Variants in TGM1 observed in about 807,000 individuals in gnomAD.
The protein encoded by TGM1 is protein-glutamine gamma-glutamyltransferase K.
A neutral mutation model predicts 88.7 loss-of-function variants in TGM1; 63 were observed. The observed-to-expected ratio is 0.71, with a 90% CI of 0.58 to 0.88. TGM1 has a LOEUF of 0.88. Among genes scored for constraint, TGM1 ranks in the 40% least tolerant of loss-of-function variants. The pLI, the probability that TGM1 is intolerant of heterozygous loss-of-function variation, is 0.00. For missense variants in TGM1, 996 were observed against 1,118.0 expected (o/e 0.89, Z 1.56); for synonymous variants, 415 against 431.1 (o/e 0.96, Z 0.46).
rs1349507109 is a variant in TGM1 at position 24,256,072 on chromosome 14, A to G, written c.1408T>C (p.Phe470Leu). The G allele has an allele frequency of 6.4e-7, 1 of 1,563,186 alleles. No homozygotes were observed. The highest frequency in any genetic ancestry group is 1.4e-5 in the African/African-American group (1 of 73,652). ...TCCACAGAGCAGGGGCCGCAGCAGA[A>G]GATGCCTAGAGAGTGAGGCGGGACA... ...ATPQETSSGI[F>L]CCGPCSVESI... Residue 470 changes from phenylalanine to leucine, a missense_variant, in exon 10 of 15, where the codon TTC (phenylalanine) becomes CTC (leucine). Coordinates refer to ENST00000206765, the MANE Select transcript of TGM1 (RefSeq NM_000359.3).
Position 24,254,700 on chromosome 14 carries a change from G to A in TGM1, c.2052C>T (p.His684=). 6.2e-7 allele frequency: 1 copy of A among 1,613,992 alleles called. No homozygotes were observed. Among genetic ancestry groups the A allele is most frequent in the Non-Finnish European group, 8.5e-7 (1 of 1,180,032 alleles). The change falls in exon 13 of 15, where the codon CAC becomes CAT. Residue 684 remains histidine (H), a synonymous_variant. Coordinates refer to ENST00000206765, the MANE Select transcript of TGM1 (RefSeq NM_000359.3). Reference sequence around the variant, plus strand: ...GGTCTGGGGTGCGCAGACGGAAGGTGTGCTGCTTGGCCAGCACCTGCCCGC... The same window carrying A: ...GGTCTGGGGTGCGCAGACGGAAGGTATGCTGCTTGGCCAGCACCTGCCCGC... ...KESGQVLAKQ[H]TFRLRTPDLS... is the part of the protein sequence containing the mutation.
Position 24,261,678 on chromosome 14 carries a change from A to G in TGM1, c.508+17T>C. ...AAACATAGGGCCTTCACCCGTCCCA[A>G]TCCAAGCCCCACTGACCGATGAGTA... On this transcript the variant is annotated intron_variant, in intron 3 of 14. Coordinates refer to ENST00000206765, the MANE Select transcript of TGM1 (RefSeq NM_000359.3). 3 of 1,613,900 alleles carry G rather than the reference A, an allele frequency of 1.9e-6. No homozygotes were observed. Among genetic ancestry groups the G allele is most frequent in the Admixed American group, 3.3e-5 (2 of 60,004 alleles).
chr14:24,255,133 A>G lies in TGM1; in HGVS notation c.1766T>C (p.Val589Ala), dbSNP rs765099729. The G allele has an allele frequency of 4.9e-5, 79 of 1,613,846 alleles. No individual in the cohort carries two copies. The highest frequency in any genetic ancestry group is 6.1e-5 in the Non-Finnish European group (72 of 1,180,022). Residue 589 changes from valine (V) to alanine (A), a missense_variant, in exon 12 of 15, where the codon GTG becomes GCG. Physicochemically the swap from Val to Ala is moderately conservative, Grantham distance 64 (BLOSUM62 0). Transcript: ENST00000206765. The surrounding 1 kb of genome is among the most constrained non-coding windows in gnomAD (Gnocchi z 4.0). ...VAMQVEAQDAVMGQDLMVSVM... is the reference protein window; with the variant it reads ...VAMQVEAQDAAMGQDLMVSVM... ...AGAGACCATCAGATCCTGCCCCATC[A>G]CCGCGTCCTGTGCCTCCACCTGCAT...
In TGM1 at chr14:24,262,331, C is replaced by T. The variant is rs376706308; in HGVS notation, c.22G>A (p.Asp8Asn). The part of the protein sequence containing the change: MMDGPRS[D>N]VGRWGGNPLQ... The stretch of plus-strand genomic sequence containing the variant: ...GGGTTGCCACCCCAACGGCCCACAT[C>T]GGAACGTGGCCCATCCATCATGCCT... The change falls in exon 2 of 15, where the codon GAT becomes AAT. Residue 8 changes from aspartate (D) to asparagine (N), a missense_variant. Coordinates refer to ENST00000206765, the MANE Select transcript of TGM1 (RefSeq NM_000359.3). 1.4e-5 allele frequency: 23 copies of T among 1,613,480 alleles called. No homozygotes were observed. Among genetic ancestry groups the T allele is most frequent in the Admixed American group, 1.2e-4 (7 of 60,004 alleles).
chr14:24,260,098 C>A (rs1210722672), intron 4 of TGM1, 40 bp from the exon 5 acceptor site: 3 of 1,550,928 alleles, frequency 1.9e-6, no homozygotes, highest in Non-Finnish European at 2.7e-6. Flanking sequence ...CCCTCCAGTT[C>A]TCTCCCTGGG....
chr14:24,253,870 T>C (rs2040720892), intron 14 of TGM1, among the ~76,000 whole-genome samples: 1 of 152,210 alleles, frequency 6.6e-6, no homozygotes, highest in Non-Finnish European at 1.5e-5. Flanking sequence ...TGGGCAAATA[T>C]TAGCAATGAG....
intron 13 of TGM1, 139 bp from the exon 14 acceptor site, chr14:24,254,427 C>T (rs1185327834): frequency 1.5e-5 from 21 of 1,380,372 alleles, no homozygotes; most frequent in Non-Finnish European, 1.5e-5. Flanking sequence ...AGAGAAGATT[C>T]CCCAGAAGTC....
At position 24,259,928 on chromosome 14, in the gene TGM1, G is replaced by A; in HGVS notation, c.876+12C>T. The A allele has an allele frequency of 6.2e-7, 1 of 1,613,622 alleles. No homozygotes were observed. Among genetic ancestry groups the A allele is most frequent in the Non-Finnish European group, 8.5e-7 (1 of 1,179,570 alleles). On this transcript the variant is annotated intron_variant, in intron 5 of 14. Coordinates refer to ENST00000206765, the MANE Select transcript of TGM1 (RefSeq NM_000359.3). This position sits in a 1 kb window ranked among gnomAD's most constrained non-coding sequence, Gnocchi z 5.7. ...CTCTGGGTGTATGTGACCCTGGCCA[G>A]CCGCACCATACCTGGCCGTAGTTCC...
chr14:24,257,293 G>A (rs1382950057), intron 9 of TGM1, among the ~76,000 whole-genome samples: 3 of 152,198 alleles, frequency 2.0e-5, no homozygotes, highest in Admixed American at 2.0e-4. Context: ...GAAGGTAGCT[G>A]GCAGGGCAGG....
chr14:24,250,529 G>A lies in TGM1; in HGVS notation c.2226-988C>T, dbSNP rs563548871. ...ATTCCTCCTGCTGAGCAGCCCTACCGAATGCCTTCTTCCCCAGACTCACCT... is the reference window on the plus strand; with the variant it reads ...ATTCCTCCTGCTGAGCAGCCCTACCAAATGCCTTCTTCCCCAGACTCACCT... On this transcript the variant is annotated intron_variant, in intron 14 of 14. Transcript: ENST00000206765. 6.6e-5 allele frequency among the ~76,000 whole-genome samples: 10 copies of A among 152,092 alleles called. No individual in the cohort carries two copies. The East Asian group carries it at 1.9e-3, about 29-fold the overall frequency.
In TGM1 at chr14:24,258,401, G is replaced by A. The variant is rs752580964; in HGVS notation, c.1299-13C>T. 5 of 1,613,870 alleles carry A rather than the reference G, an allele frequency of 3.1e-6. No homozygotes were observed. The highest frequency in any genetic ancestry group is 1.1e-5 in the South Asian group (1 of 91,072). On this transcript the variant is annotated splice_polypyrimidine_tract_variant and intron_variant, in intron 8 of 14. Coordinates refer to ENST00000206765, the MANE Select transcript of TGM1 (RefSeq NM_000359.3). ...CACATGGAAGTTCCTGGATGGACAT[G>A]GAGGAGGGGCTGGGTCTGAGCCCCA...
chr14:24,251,656 G>A (rs2040702090), intron 14 of TGM1, among the ~76,000 whole-genome samples: 1 of 152,136 alleles, frequency 6.6e-6, no homozygotes, highest in South Asian at 2.1e-4. Flanking sequence ...TTGTTCAATC[G>A]TATTGCCTGG....
intron 9 of TGM1, 102 bp from the exon 10 acceptor site, chr14:24,256,179 G>T: frequency 1.0e-6 from 1 of 985,606 alleles, no homozygotes; most frequent in Non-Finnish European, 1.6e-6. Flanking sequence ...CACCCACTCA[G>T]GCCCGGTCCC....
intron 14 of TGM1, among the ~76,000 whole-genome samples, chr14:24,253,373 C>T (rs1279214127): frequency 6.6e-6 from 1 of 152,168 alleles, no homozygotes; most frequent in African/African-American, 2.4e-5. Context: ...TGCCCAAGGG[C>T]ATATAGCCAG....
Position 24,259,243 on chromosome 14 carries a change from A to G in TGM1, c.991T>C (p.Ser331Pro). 2 of 1,612,392 alleles carry G rather than the reference A, an allele frequency of 1.2e-6. No homozygotes were observed. The highest frequency in any genetic ancestry group is 8.5e-7 in the Non-Finnish European group (1 of 1,179,246). The change falls in exon 7 of 15, where the codon TCC becomes CCC. Residue 331 changes from serine to proline, a missense_variant. By Grantham distance (74) the Ser-to-Pro change is moderately conservative. Transcript: ENST00000206765. This position sits in a 1 kb window ranked among gnomAD's most constrained non-coding sequence, Gnocchi z 5.7. Reference protein sequence around the residue: ...VSRVISAMVNSLDDNGVLIGN... With the variant: ...VSRVISAMVNPLDDNGVLIGN... ...ATCAGGACTCCATTGTCATCCAGGG[A>G]GTTCACCTGCCCAGGACAGGATGAG...
At position 24,260,638 on chromosome 14, in the gene TGM1, C is replaced by A; in HGVS notation, c.569G>T (p.Ser190Ile). 6.2e-7 allele frequency: 1 copy of A among 1,614,208 alleles called. No individual in the cohort carries two copies. The highest frequency in any genetic ancestry group is 8.5e-7 in the Non-Finnish European group (1 of 1,180,036). The stretch of plus-strand genomic sequence containing the variant: ...GACCACCTGGGCTTTCCAGCCTCCA[C>A]TGCCCCCCTTGCCCACTGGGATGAT... ...HVIIPVGKGG[S>I]GGWKAQVVKA... Residue 190 changes from serine to isoleucine, a missense_variant, in exon 4 of 15, where the codon AGT becomes ATT. By Grantham distance (142) the Ser-to-Ile change is moderately radical. Transcript: ENST00000206765.
Position 24,259,594 on chromosome 14 carries a change from G to T in TGM1, c.984+110C>A. ...CCTGAAGTATCCTTTACGAGGGCAGGGACAGGGCTGGGGGTTCTTGAGGAA... is the reference window on the plus strand; with the variant it reads ...CCTGAAGTATCCTTTACGAGGGCAGTGACAGGGCTGGGGGTTCTTGAGGAA... On this transcript the variant is annotated intron_variant, in intron 6 of 14. Coordinates refer to ENST00000206765, the MANE Select transcript of TGM1 (RefSeq NM_000359.3). The surrounding 1 kb of genome is among the most constrained non-coding windows in gnomAD (Gnocchi z 5.7). 3.2e-6 allele frequency: 3 copies of T among 923,948 alleles called. No homozygotes were observed. Among genetic ancestry groups the T allele is most frequent in the Non-Finnish European group, 5.1e-6 (3 of 584,534 alleles). 57.2% of individuals were successfully genotyped at this position (923,948 alleles called of 1,614,324 possible). A position where few individuals can be genotyped will look rare whatever the true frequency, so the allele number is the denominator to read the frequency against.
rs752349623 is a variant in TGM1 at position 24,249,543 on chromosome 14, T to C, written c.2226-2A>G. On this transcript the variant is annotated splice_acceptor_variant, in intron 14 of 14. Coordinates refer to ENST00000206765, the MANE Select transcript of TGM1 (RefSeq NM_000359.3). LOFTEE classifies it high-confidence loss of function. ...ACTGTTTCATTGCCTCCAATGTCCC[T>C]GTGGGCAGAGACAAGGTCATGGGCC... 5 of 1,613,306 alleles carry C rather than the reference T, an allele frequency of 3.1e-6. No homozygotes were observed. In the South Asian group the frequency reaches 4.4e-5, roughly 14 times the overall value.
chr14:24,257,745 TG>T (rs1266937592), intron 9 of TGM1, among the ~76,000 whole-genome samples: 2 of 152,240 alleles, frequency 1.3e-5, no homozygotes, highest in Non-Finnish European at 2.9e-5. Flanking sequence ...GCATCTATCC[TG>T]GGAAAGTCTA....
Sources: allele counts gnomAD v4.1 joint callset (sites outside exome capture counted in the v4.1 genomes callset), GRCh38; gene constraint gnomAD v4.1.1; non-coding constraint Gnocchi (gnomAD v3.1); transcripts MANE v1.5; gene names NCBI Gene and HGNC (gene_info 2026-07-23, HGNC 2026-07-21).